Variants in DLC1 observed in about 807,000 individuals in gnomAD.
DLC1 encodes DLC1 Rho GTPase activating protein, also known as rho GTPase-activating protein 7.
In DLC1, 54 loss-of-function variants were observed where a neutral mutation model predicts 140.3. The observed-to-expected ratio is 0.38, with a 90% confidence interval of 0.31 to 0.48. DLC1 has a LOEUF of 0.48. DLC1 is among the 20% of genes least tolerant of loss of function. The probability of loss-of-function intolerance (pLI) is 0.96; values close to 1 mark genes in which losing one functional copy is unlikely to be tolerated. For missense variants in DLC1, 2,536 were observed against 1,907.0 expected, an observed-to-expected ratio of 1.33 and a Z score of -6.14; for synonymous variants, 986 against 728.1, an observed-to-expected ratio of 1.35 and a Z score of -5.70.
intron 4 of DLC1, among the ~76,000 whole-genome samples, chr8:13,346,881 T>C (rs1051948462): frequency 2.0e-5 from 3 of 152,232 alleles, no homozygotes; most frequent in African/African-American, 7.2e-5. Flanking sequence ...CATTTATCCA[T>C]GGTTTCACTT....
chr8:13,226,206 G>T (rs191985120), intron 5 of DLC1, among the ~76,000 whole-genome samples: 3 of 152,104 alleles, frequency 2.0e-5, no homozygotes, highest in African/African-American at 7.2e-5. Context: ...GAGCCACTAT[G>T]CCCAGCCTGA....
At position 13,499,467 on chromosome 8, in the gene DLC1, A is replaced by G; in HGVS notation, c.605T>C (p.Ile202Thr). 3.1e-6 allele frequency: 5 copies of G among 1,613,914 alleles called. No homozygotes were observed. The highest frequency in any genetic ancestry group is 4.2e-6 in the Non-Finnish European group (5 of 1,179,976). The change falls in exon 2 of 18, where the codon ATA becomes ACA. Residue 202 changes from isoleucine to threonine, a missense_variant. Transcript: ENST00000276297. ...TGCATTTACTTTGGGTGCATCTTTT[A>G]TTTCACTTAAGCTTATTTCATTGCA... ...ELCNEISLSE[I>T]KDAPKVNAVD...
chr8:13,446,249 G>T (rs1798772352), intron 2 of DLC1, among the ~76,000 whole-genome samples: 1 of 152,152 alleles, frequency 6.6e-6, no homozygotes, highest in Non-Finnish European at 1.5e-5. Flanking sequence ...GGGATGGAAA[G>T]TATATGATAT....
At chr8:13,569,425 C>G (rs182139850) in intron 1 of DLC1, among the ~76,000 whole-genome samples, 86 of 152,202 alleles carry the variant, frequency 5.7e-4, no homozygotes, top group African/African-American at 2.0e-3. Flanking sequence ...TGGAAAATAA[C>G]CATTACCATT....
intron 3 of DLC1, among the ~76,000 whole-genome samples, chr8:13,395,043 A>G (rs1836966983): frequency 2.0e-5 from 3 of 149,410 alleles, no homozygotes; most frequent in Admixed American, 6.7e-5. Context: ...TCATCTATCT[A>G]TCTATCTATT....
At chr8:13,457,423 A>C (rs563492449) in intron 2 of DLC1, among the ~76,000 whole-genome samples, 99 of 152,264 alleles carry the variant, frequency 6.5e-4, no homozygotes, top group Admixed American at 1.3e-3. Context: ...TCATGCCTGT[A>C]ATCCCAGCAC....
intron 2 of DLC1, among the ~76,000 whole-genome samples, chr8:13,440,229 T>A (rs561393381): frequency 6.6e-6 from 1 of 152,220 alleles, no homozygotes; most frequent in South Asian, 2.1e-4. Flanking sequence ...AATAGGGTTC[T>A]ATGAAATCCA....
At chr8:13,581,423 T>C (rs1470925712) in intron 1 of DLC1, among the ~76,000 whole-genome samples, 1 of 152,196 alleles carries the variant, frequency 6.6e-6, no homozygotes, top group Non-Finnish European at 1.5e-5. Context: ...TAAATAGAAC[T>C]AATATCTATC....
At chr8:13,494,612 C>T (rs1366973616) in intron 2 of DLC1, among the ~76,000 whole-genome samples, 1 of 152,160 alleles carries the variant, frequency 6.6e-6, no homozygotes, top group Non-Finnish European at 1.5e-5. Context: ...ATTTGAACCA[C>T]TATTATGCTT....
chr8:13,565,927 G>C (rs1804412789), intron 1 of DLC1, among the ~76,000 whole-genome samples: 1 of 152,134 alleles, frequency 6.6e-6, no homozygotes, highest in Non-Finnish European at 1.5e-5. Flanking sequence ...TGGGGATTCA[G>C]TTAGAAAAAA....
intron 5 of DLC1, among the ~76,000 whole-genome samples, chr8:13,226,078 A>G (rs909491376): frequency 6.6e-6 from 1 of 151,988 alleles, no homozygotes; most frequent in Non-Finnish European, 1.5e-5. Flanking sequence ...ACACTTGGCT[A>G]CTTTTTTTGA....
intron 5 of DLC1, among the ~76,000 whole-genome samples, chr8:13,191,513 C>A (rs750445968): frequency 1.3e-5 from 2 of 152,092 alleles, no homozygotes; most frequent in Non-Finnish European, 2.9e-5. Context: ...AACAACAAAC[C>A]CTTAACGACC....
At chr8:13,482,044 C>T (rs2117121669) in intron 2 of DLC1, among the ~76,000 whole-genome samples, 1 of 152,248 alleles carries the variant, frequency 6.6e-6, no homozygotes, top group Non-Finnish European at 1.5e-5. Flanking sequence ...AGGAGCTAAC[C>T]CTGCCCACAC....
intron 1 of DLC1, chr8:13,567,556 G>A: frequency 6.4e-7 from 1 of 1,551,760 alleles, no homozygotes. Flanking sequence ...AAAACAGGAG[G>A]CAGCAGCTAA....
rs538340426 is a variant in DLC1, at chr8:13,579,973, A to T, written c.-126+24564T>A. ...GAGTTATTCCTCTTAGCCTAGTATC[A>T]GTCATGGACTATGCTGGGCTCCAGG... On this transcript the variant is annotated intron_variant, in intron 1 of 1. Transcript: ENST00000631382. Among the ~76,000 whole-genome samples, 3 of 152,216 alleles carry T rather than the reference A, an allele frequency of 2.0e-5. No individual in the cohort carries two copies. The East Asian group carries it at 5.8e-4, about 30-fold the overall frequency.
chr8:13,538,805 C>A (rs1249172231), intron 1 of DLC1, among the ~76,000 whole-genome samples: 1 of 152,220 alleles, frequency 6.6e-6, no homozygotes, highest in Non-Finnish European at 1.5e-5. Flanking sequence ...CTTACAATAA[C>A]CTCACTGTAT....
chr8:13,104,395 G>C (rs890426577), intron 7 of DLC1, among the ~76,000 whole-genome samples: 1 of 146,332 alleles, frequency 6.8e-6, no homozygotes, highest in Non-Finnish European at 1.5e-5. Context: ...TAATGCAACA[G>C]TTGAAAAAAG....
chr8:13,157,103 A>C (rs4831888), intron 5 of DLC1, among the ~76,000 whole-genome samples: 6,642 of 152,270 alleles, frequency 0.044, 505 homozygotes, highest in East Asian at 0.26. Context: ...CTGACCCTGC[A>C]AACTTAATTA....
chr8:13,130,247 C>T (rs906987570), intron 5 of DLC1, among the ~76,000 whole-genome samples: 1 of 152,246 alleles, frequency 6.6e-6, no homozygotes, highest in Non-Finnish European at 1.5e-5. Context: ...CTTGGAATCT[C>T]ACCAAGCCTC....
Sources: gnomAD v4.1 joint callset for allele counts (sites outside exome capture counted in the v4.1 genomes callset) on GRCh38, gnomAD v4.1.1 for gene constraint, MANE v1.5 for transcripts, NCBI Gene and HGNC (gene_info 2026-07-23, HGNC 2026-07-21) for gene names.